RGS7: variants seen among roughly 807,000 people sequenced by gnomAD.
RGS7 encodes regulator of G protein signaling 7, also known as regulator of G-protein signaling 7.
In RGS7, 27 loss-of-function variants were observed where a neutral mutation model predicts 81.1. The ratio of observed to expected loss-of-function variants is 0.33; its 90% CI spans 0.25 to 0.46. The LOEUF is 0.46. Among genes scored for constraint, RGS7 ranks in the 20% least tolerant of loss-of-function variants. RGS7 has a pLI of 1.00. For synonymous variants in RGS7, 208 were observed against 207.7 expected (o/e 1.00, Z -0.01); for missense variants, 396 against 607.4 (o/e 0.65, Z 3.66).
intron 3 of RGS7, among the ~76,000 whole-genome samples, chr1:241,059,109 G>A (rs967371369): frequency 4.6e-5 from 7 of 152,158 alleles, no homozygotes; most frequent in African/African-American, 1.7e-4. Flanking sequence ...ACACAGTGCT[G>A]CTGACTTCTC....
At position 241,091,547 on chromosome 1, in the gene RGS7, CAATAAATAAATAAATA is replaced by C. The variant is rs371664255; in HGVS notation, c.175+7103_175+7118del. On this transcript the variant is annotated intron_variant, in intron 3 of 18. Coordinates refer to ENST00000440928, the MANE Select transcript of RGS7 (RefSeq NM_001364886.1). The stretch of plus-strand genomic sequence containing the variant: ...TGGGCGACAGAGCGAGACTCTGTCT[CAATAAATAAATAAATA>C]AATAAATAAATAAATAAATAAATAA... 2.6e-3 allele frequency among the ~76,000 whole-genome samples: 330 copies of C among 129,170 alleles called. 2 individuals carry two copies. The highest frequency in any genetic ancestry group is 0.013 in the East Asian group (57 of 4,528). 84.7% of individuals were successfully genotyped at this position (129,170 alleles called of 152,430 possible). A position where few individuals can be genotyped will look rare whatever the true frequency, so the allele number is the denominator to read the frequency against.
At chr1:241,188,285 TCACACACACACA>T (rs59722851) in intron 2 of RGS7, among the ~76,000 whole-genome samples, 3 of 148,042 alleles carry the variant, frequency 2.0e-5, no homozygotes, top group Non-Finnish European at 1.5e-5. Context: ...TCTTTTATCC[TCACACACACACA>T]CACACACACA....
intron 3 of RGS7, among the ~76,000 whole-genome samples, chr1:241,031,949 T>A (rs973516638): frequency 1.3e-5 from 2 of 152,248 alleles, no homozygotes; most frequent in African/African-American, 4.8e-5. Context: ...GTTGATTATC[T>A]CTTTTTCTAT....
intron 3 of RGS7, among the ~76,000 whole-genome samples, chr1:241,079,117 C>T (rs1051864409): frequency 2.6e-5 from 4 of 152,132 alleles, no homozygotes; most frequent in East Asian, 1.9e-4. Context: ...ACAGCAAAAC[C>T]GAGTTCCTAT....
intron 2 of RGS7, among the ~76,000 whole-genome samples, chr1:241,192,759 T>TCCTCACTTCATTCCTG (rs1440759963): frequency 1.3e-5 from 2 of 152,124 alleles, no homozygotes; most frequent in African/African-American, 2.4e-5. Flanking sequence ...TCTTTCTCAC[T>TCCTCACTTCATTCCTG]CCTCACTTCA....
chr1:240,955,824 A>G lies in RGS7; in HGVS notation c.227-19118T>C, dbSNP rs1680320408. On this transcript the variant is annotated intron_variant, in intron 4 of 18. Transcript: ENST00000440928. Reference sequence around the variant, plus strand: ...AACACAACCAATTGTTATGTAAAAAAGAAAGGCCTGACACTACACGCAGGT... The same window carrying G: ...AACACAACCAATTGTTATGTAAAAAGGAAAGGCCTGACACTACACGCAGGT... Among the ~76,000 whole-genome samples the G allele has an allele frequency of 2.0e-5, 3 of 152,198 alleles. No homozygotes were observed. The South Asian group carries it at 6.2e-4, about 32-fold the overall frequency.
At chr1:241,053,666 G>A (rs889439056) in intron 3 of RGS7, among the ~76,000 whole-genome samples, 3 of 152,058 alleles carry the variant, frequency 2.0e-5, no homozygotes, top group Non-Finnish European at 4.4e-5. Flanking sequence ...ATCTGATATG[G>A]TTTGGCTGTG....
At chr1:241,209,111 C>G (rs1161054520) in intron 2 of RGS7, among the ~76,000 whole-genome samples, 2 of 152,132 alleles carry the variant, frequency 1.3e-5, no homozygotes, top group Non-Finnish European at 2.9e-5. Flanking sequence ...ATTATTAAAT[C>G]AGTGTCAACT....
At position 240,846,806 on chromosome 1, in the gene RGS7, T is replaced by C. The variant is rs535180937; in HGVS notation, c.610-19634A>G. Among the ~76,000 whole-genome samples, 6 of 152,268 alleles carry C rather than the reference T, an allele frequency of 3.9e-5. No individual in the cohort carries two copies. In the South Asian group the frequency reaches 1.0e-3, roughly 26 times the overall value. ...GCTATCTTTCTATTTTGGGATGACA[T>C]GGCGGAAACTGTCTTGGACATCCTT... is the stretch of plus-strand genomic sequence containing the variant. On this transcript the variant is annotated intron_variant, in intron 9 of 18. Transcript: ENST00000440928.
intron 6 of RGS7, among the ~76,000 whole-genome samples, chr1:240,927,908 G>C (rs1016877705): frequency 6.6e-6 from 1 of 152,208 alleles, no homozygotes; most frequent in South Asian, 2.1e-4. Context: ...CCAGTGGATG[G>C]TAACATGTGT....
chr1:241,317,924 C>T (rs975619270), intron 2 of RGS7, among the ~76,000 whole-genome samples: 7 of 152,258 alleles, frequency 4.6e-5, no homozygotes, highest in South Asian at 2.1e-4. Context: ...CCAGTTCTTC[C>T]GAGATTTCCT....
At chr1:240,841,173 C>T (rs1005328166) in intron 9 of RGS7, among the ~76,000 whole-genome samples, 1 of 152,198 alleles carries the variant, frequency 6.6e-6, no homozygotes, top group Non-Finnish European at 1.5e-5. Context: ...GTGTAAATAG[C>T]AGATTGCTTC....
intron 9 of RGS7, among the ~76,000 whole-genome samples, chr1:240,834,339 T>C (rs1483455598): frequency 1.3e-5 from 2 of 152,176 alleles, no homozygotes; most frequent in African/African-American, 4.8e-5. Context: ...GTATGATATC[T>C]TGCTTCAGTG....
intron 6 of RGS7, among the ~76,000 whole-genome samples, chr1:240,929,966 C>A (rs1408984203): frequency 6.6e-6 from 1 of 152,206 alleles, no homozygotes; most frequent in East Asian, 1.9e-4. Flanking sequence ...TGAACTCAGT[C>A]CCCTTTGCGA....
At chr1:241,033,697 G>T (rs971036810) in intron 3 of RGS7, among the ~76,000 whole-genome samples, 1 of 152,010 alleles carries the variant, frequency 6.6e-6, no homozygotes, top group Non-Finnish European at 1.5e-5. Context: ...GCAAAGTTAG[G>T]TTAACAACTC....
intron 2 of RGS7, among the ~76,000 whole-genome samples, chr1:241,253,766 T>C (rs2076934962): frequency 6.6e-6 from 1 of 152,154 alleles, no homozygotes; most frequent in Admixed American, 6.5e-5. Flanking sequence ...CCCCTCCCTT[T>C]TCCCTGGTAT....
At chr1:240,931,557 C>T (rs910443116) in intron 5 of RGS7, among the ~76,000 whole-genome samples, 1 of 151,780 alleles carries the variant, frequency 6.6e-6, no homozygotes, top group Non-Finnish European at 1.5e-5. Context: ...CGTATAAACA[C>T]CTATTATGTA....
intron 10 of RGS7, among the ~76,000 whole-genome samples, chr1:240,826,757 G>C (rs946995317): frequency 6.6e-6 from 1 of 150,466 alleles, no homozygotes; most frequent in Non-Finnish European, 1.5e-5. Flanking sequence ...CTAGTGTTAA[G>C]AGGGGCCCCT....
chr1:241,198,750 C>G (rs1454198180), intron 2 of RGS7, among the ~76,000 whole-genome samples: 1 of 152,068 alleles, frequency 6.6e-6, no homozygotes, highest in Non-Finnish European at 1.5e-5. Flanking sequence ...TTTTACCAAA[C>G]ACATTTGGAA....
Sources: allele counts gnomAD v4.1 joint callset (sites outside exome capture counted in the v4.1 genomes callset), GRCh38; gene constraint gnomAD v4.1.1; transcripts MANE v1.5; gene names NCBI Gene and HGNC (gene_info 2026-07-23, HGNC 2026-07-21).